The following PTPN14 variants were observed in gnomAD, a reference collection of about 807,000 sequenced individuals.
PTPN14 encodes the protein tyrosine-protein phosphatase non-receptor type 14.
PTPN14 carries 53 observed loss-of-function variants against 126.8 expected under a neutral mutation model. The ratio of observed to expected loss-of-function variants is 0.42; its 90% CI spans 0.34 to 0.53. PTPN14 has a LOEUF of 0.53. Ranked by LOEUF, PTPN14 falls within the 20% of genes least tolerant of loss-of-function variation. The pLI, the probability that PTPN14 is intolerant of heterozygous loss-of-function variation, is 0.08. For synonymous variants in PTPN14, 630 were observed against 599.3 expected (o/e 1.05, Z -0.75); for missense variants, 1,257 against 1,552.9 (o/e 0.81, Z 3.20).
Position 214,405,296 on chromosome 1 carries a change from C to T in PTPN14, c.511-2343G>A, listed in dbSNP as rs147856527. Among the ~76,000 whole-genome samples, 29 of 152,294 alleles carry T rather than the reference C, an allele frequency of 1.9e-4. 1 individual carries two copies. In the East Asian group the frequency reaches 2.3e-3, roughly 12 times the overall value. On this transcript the variant is annotated intron_variant, in intron 5 of 18. Coordinates refer to ENST00000366956, the MANE Select transcript of PTPN14 (RefSeq NM_005401.5). ...CGTGTCTCTTCTCGTATTCTGCCTA[C>T]TGCATTTCTTACACAGTTATGTGTA...
At position 214,351,053 on chromosome 1, in the gene PTPN14, C is replaced by G. The variant is rs953554362; in HGVS notation, c.*6869G>C. On this transcript the variant is annotated 3_prime_UTR_variant, in exon 19 of 19. Transcript: ENST00000366956. ...TACTGTTGAGAGTTGATCCATAAAG[C>G]AGATGGGGAAATATGAAAAGGCAGC... The G allele has an allele frequency of 2.0e-5, 3 of 151,698 alleles. No homozygotes were observed. The highest frequency in any genetic ancestry group is 4.4e-5 in the Non-Finnish European group (3 of 67,970). The allele number at this position is 151,698 out of a possible 1,614,324, so 9.4% of individuals were successfully genotyped here.
chr1:214,475,493 T>C (rs2102668143), intron 1 of PTPN14, among the ~76,000 whole-genome samples: 1 of 152,366 alleles, frequency 6.6e-6, no homozygotes, highest in South Asian at 2.1e-4. Flanking sequence ...CAAATGAGCT[T>C]TGTCTAGTCA....
At chr1:214,436,135 A>T (rs993688493) in intron 3 of PTPN14, among the ~76,000 whole-genome samples, 1 of 152,204 alleles carries the variant, frequency 6.6e-6, no homozygotes, top group Non-Finnish European at 1.5e-5. Context: ...AAGTGAGCTA[A>T]CATAGGAACA....
intron 10 of PTPN14, 52 bp from the exon 11 acceptor site, chr1:214,391,097 G>A: frequency 7.3e-7 from 1 of 1,366,996 alleles, no homozygotes; most frequent in Non-Finnish European, 1.0e-6. Context: ...GATATAAAAA[G>A]ACCAGATAGA....
intron 1 of PTPN14, among the ~76,000 whole-genome samples, chr1:214,486,454 G>A (rs1369316696): frequency 6.6e-6 from 1 of 152,130 alleles, no homozygotes; most frequent in East Asian, 1.9e-4. Context: ...GATTCTAGTG[G>A]GATACAGCAA....
At chr1:214,397,189 G>C (rs1006253780) in intron 8 of PTPN14, among the ~76,000 whole-genome samples, 5 of 152,158 alleles carry the variant, frequency 3.3e-5, no homozygotes, top group Non-Finnish European at 7.3e-5. Context: ...CAGAAGGTGG[G>C]CTATGCTTGC....
At chr1:214,378,137 T>C (rs1658388216) in intron 13 of PTPN14, 35 bp from the exon 14 acceptor site, 4 of 1,581,396 alleles carry the variant, frequency 2.5e-6, no homozygotes, top group Non-Finnish European at 2.6e-6. Flanking sequence ...TCATTGTTTA[T>C]AATACTAGTA....
intron 1 of PTPN14, among the ~76,000 whole-genome samples, chr1:214,469,769 GTAACCAAGGA>G (rs1392462787): frequency 2.1e-5 from 3 of 141,518 alleles, no homozygotes; most frequent in African/African-American, 8.0e-5. Context: ...TTCAATAATT[GTAACCAAGGA>G]ACCACTCTAG....
intron 18 of PTPN14, among the ~76,000 whole-genome samples, chr1:214,363,492 A>G (rs903860103): frequency 6.6e-6 from 1 of 152,176 alleles, no homozygotes; most frequent in Non-Finnish European, 1.5e-5. Context: ...CTACCAAACC[A>G]CAAGTTTCCT....
At chr1:214,405,485 T>C (rs1323095972) in intron 5 of PTPN14, among the ~76,000 whole-genome samples, 1 of 152,080 alleles carries the variant, frequency 6.6e-6, no homozygotes, top group African/African-American at 2.4e-5. Flanking sequence ...TACATGCTTC[T>C]TGAACTGAAC....
chr1:214,437,513 A>T (rs1039016705), intron 3 of PTPN14, among the ~76,000 whole-genome samples: 5 of 152,152 alleles, frequency 3.3e-5, no homozygotes, highest in African/African-American at 1.2e-4. Flanking sequence ...TATTTAGGAG[A>T]TGTATTACTC....
At chr1:214,459,724 C>A (rs1335778900) in intron 2 of PTPN14, among the ~76,000 whole-genome samples, 1 of 152,138 alleles carries the variant, frequency 6.6e-6, no homozygotes, top group Non-Finnish European at 1.5e-5. Context: ...GCCTCGGCCT[C>A]CCAAAGTGCT....
intron 3 of PTPN14, among the ~76,000 whole-genome samples, chr1:214,424,964 T>C (rs1342500732): frequency 2.0e-5 from 3 of 152,044 alleles, no homozygotes; most frequent in Non-Finnish European, 2.9e-5. Context: ...TATCCATCTC[T>C]GTTTTTTTTT....
At chr1:214,401,010 T>C (rs1356806051) in intron 7 of PTPN14, among the ~76,000 whole-genome samples, 1 of 152,164 alleles carries the variant, frequency 6.6e-6, no homozygotes, top group East Asian at 1.9e-4. Flanking sequence ...GCTTTAGGTT[T>C]CTGATAAATC....
intron 12 of PTPN14, 71 bp downstream of exon 12, chr1:214,386,773 A>G: frequency 7.3e-7 from 1 of 1,368,862 alleles, no homozygotes; most frequent in Middle Eastern, 1.8e-4. Context: ...TCTTTTTTTT[A>G]AAGCCTTCTT....
At chr1:214,378,754 C>T (rs530483404) in intron 13 of PTPN14, among the ~76,000 whole-genome samples, 2 of 152,280 alleles carry the variant, frequency 1.3e-5, no homozygotes, top group African/African-American at 2.4e-5. Context: ...TAAGATGATC[C>T]GCAGGCATCA....
rs1657853363 is a variant in PTPN14 at position 214,357,611 on chromosome 1, A to T, written c.*311T>A. The T allele has an allele frequency of 5.8e-6, 1 of 173,226 alleles. No individual in the cohort carries two copies. The highest frequency in any genetic ancestry group is 1.2e-5 in the Non-Finnish European group (1 of 82,040). The allele number at this position is 173,226 out of a possible 1,614,324, so 10.7% of individuals were successfully genotyped here. A position where few individuals can be genotyped will look rare whatever the true frequency, so the allele number is the denominator to read the frequency against. The stretch of plus-strand genomic sequence containing the variant: ...CATGCCTCTGTCCTCAAAATGATCC[A>T]GCAGGCAACCTTACCTGCTGACATA... On this transcript the variant is annotated 3_prime_UTR_variant, in exon 19 of 19. Transcript: ENST00000366956.
intron 1 of PTPN14, among the ~76,000 whole-genome samples, chr1:214,517,971 TTATAA>T: frequency 6.6e-6 from 1 of 151,872 alleles, no homozygotes; most frequent in Non-Finnish European, 1.5e-5. Flanking sequence ...TATAGAAAGC[TTATAA>T]TATAAAGACC....
intron 1 of PTPN14, among the ~76,000 whole-genome samples, chr1:214,517,198 A>T (rs887179868): frequency 6.6e-6 from 1 of 152,194 alleles, no homozygotes; most frequent in African/African-American, 2.4e-5. Context: ...TGCCTCAAGG[A>T]CATGGTCACC....
Sources: allele counts gnomAD v4.1 joint callset (sites outside exome capture counted in the v4.1 genomes callset), GRCh38; gene constraint gnomAD v4.1.1; transcripts MANE v1.5; gene names NCBI Gene and HGNC (gene_info 2026-07-23, HGNC 2026-07-21).